The following CDK8 variants were observed in gnomAD, a reference collection of about 807,000 sequenced individuals.
The protein encoded by CDK8 is cyclin dependent kinase 8, also known as cyclin-dependent kinase 8.
Under a neutral mutation model 71.5 loss-of-function variants are expected in CDK8, and 29 were observed. That is an observed-to-expected ratio of 0.41 (90% confidence interval 0.30 to 0.55). The LOEUF (loss-of-function observed/expected upper bound fraction) is 0.55. Among genes scored for constraint, CDK8 ranks in the 20% least tolerant of loss-of-function variants. The pLI is 0.37. For missense variants in CDK8, 288 were observed against 572.6 expected, an observed-to-expected ratio of 0.50 and a Z score of 5.07; for synonymous variants, 161 against 192.1, an observed-to-expected ratio of 0.84 and a Z score of 1.34.
At chr13:26,374,956 A>AT (rs548393291) in intron 4 of CDK8, among the ~76,000 whole-genome samples, 56 of 152,022 alleles carry the variant, frequency 3.7e-4, no homozygotes, top group Admixed American at 7.2e-4. Context: ...TTTTCAAGGC[A>AT]TTTTTTTTAA....
At chr13:26,283,189 A>G (rs950411780) in intron 1 of CDK8, among the ~76,000 whole-genome samples, 2 of 152,256 alleles carry the variant, frequency 1.3e-5, no homozygotes, top group Non-Finnish European at 2.9e-5. Context: ...ATACCATAGA[A>G]CAAATGGACT....
chr13:26,300,808 C>G (rs930138871), intron 1 of CDK8, among the ~76,000 whole-genome samples: 1 of 152,024 alleles, frequency 6.6e-6, no homozygotes, highest in Non-Finnish European at 1.5e-5. Flanking sequence ...TTGATTATCC[C>G]GCTCTAAAAA....
intron 4 of CDK8, among the ~76,000 whole-genome samples, chr13:26,362,669 C>G (rs1874201979): frequency 6.6e-6 from 1 of 152,124 alleles, no homozygotes; most frequent in Non-Finnish European, 1.5e-5. Context: ...CCACTTTAGT[C>G]TACTGTTTCA....
At chr13:26,259,902 C>G (rs1287171985) in intron 1 of CDK8, among the ~76,000 whole-genome samples, 2 of 152,102 alleles carry the variant, frequency 1.3e-5, no homozygotes, top group Non-Finnish European at 2.9e-5. Flanking sequence ...GGGAAACAAA[C>G]ATGTAAATGT....
At chr13:26,301,971 C>A (rs997064125) in intron 1 of CDK8, among the ~76,000 whole-genome samples, 7 of 152,190 alleles carry the variant, frequency 4.6e-5, no homozygotes, top group Admixed American at 1.3e-4. Context: ...ATATTACATT[C>A]TCTATTTCTG....
intron 3 of CDK8, among the ~76,000 whole-genome samples, chr13:26,352,531 TAAG>T (rs757416420): frequency 2.0e-5 from 3 of 152,122 alleles, no homozygotes; most frequent in Non-Finnish European, 2.9e-5. Context: ...ATCTTCTTCT[TAAG>T]GAGAACAGAC....
chr13:26,285,906 TAAAC>T (rs374348162), intron 1 of CDK8, among the ~76,000 whole-genome samples: 91 of 141,270 alleles, frequency 6.4e-4, no homozygotes, highest in African/African-American at 2.2e-3. Flanking sequence ...AATAAATAAA[TAAAC>T]AAACAAACAA....
At chr13:26,287,385 A>T (rs1013455972) in intron 1 of CDK8, among the ~76,000 whole-genome samples, 1 of 152,142 alleles carries the variant, frequency 6.6e-6, no homozygotes, top group Non-Finnish European at 1.5e-5. Flanking sequence ...AATACTGTTC[A>T]CCCATAAAAA....
chr13:26,339,756 A>AAATATATAT (rs1555231154), intron 2 of CDK8, among the ~76,000 whole-genome samples: 6 of 142,998 alleles, frequency 4.2e-5, no homozygotes, highest in African/African-American at 1.3e-4. Flanking sequence ...TTAAAAAAAA[A>AAATATATAT]ATATATATAT....
At chr13:26,369,895 A>C (rs1011170775) in intron 4 of CDK8, among the ~76,000 whole-genome samples, 11 of 151,930 alleles carry the variant, frequency 7.2e-5, no homozygotes, top group African/African-American at 1.2e-4. Flanking sequence ...TTTCTTTAGT[A>C]ATTGTTATGC....
At position 26,287,415 on chromosome 13, in the gene CDK8, C is replaced by T. The variant is rs650176; in HGVS notation, c.128+32646C>T. ...TAAAAAGGAATGAAATAATGGCATT[C>T]GCAGCAACCTGGATGGAGTCGGAGA... On this transcript the variant is annotated intron_variant, in intron 1 of 12. Coordinates refer to ENST00000381527, the MANE Select transcript of CDK8 (RefSeq NM_001260.3). Among the ~76,000 whole-genome samples, 10 of 152,256 alleles carry T rather than the reference C, an allele frequency of 6.6e-5. No homozygotes were observed. The East Asian group carries it at 9.6e-4, about 15-fold the overall frequency.
At chr13:26,307,850 G>A (rs765693232) in intron 1 of CDK8, among the ~76,000 whole-genome samples, 12 of 152,056 alleles carry the variant, frequency 7.9e-5, no homozygotes, top group Non-Finnish European at 1.5e-4. Flanking sequence ...TTAAAAAAAA[G>A]TGTTAGCACT....
intron 1 of CDK8, among the ~76,000 whole-genome samples, chr13:26,301,628 A>G (rs1873828229): frequency 6.6e-6 from 1 of 152,182 alleles, no homozygotes; most frequent in South Asian, 2.1e-4. Flanking sequence ...ATTAGTATCA[A>G]TGTAGATTCT....
intron 6 of CDK8, among the ~76,000 whole-genome samples, chr13:26,386,802 A>G (rs551811980): frequency 1.3e-5 from 2 of 152,172 alleles, no homozygotes; most frequent in Non-Finnish European, 2.9e-5. Flanking sequence ...CAATATTGCT[A>G]ATGAAGTCTC....
At chr13:26,297,321 T>C (rs968925786) in intron 1 of CDK8, among the ~76,000 whole-genome samples, 1 of 42,890 alleles carries the variant, frequency 2.3e-5, no homozygotes, top group African/African-American at 3.8e-5. Flanking sequence ...GTAATATAAC[T>C]AAAAAGGTAA....
chr13:26,347,997 C>T (rs1182410125), intron 2 of CDK8, among the ~76,000 whole-genome samples: 1 of 151,956 alleles, frequency 6.6e-6, no homozygotes, highest in Non-Finnish European at 1.5e-5. Context: ...CTGTTCATAG[C>T]AGCATTAATC....
chr13:26,330,047 G>A (rs1463845349), intron 1 of CDK8, among the ~76,000 whole-genome samples: 1 of 152,028 alleles, frequency 6.6e-6, no homozygotes, highest in South Asian at 2.1e-4. Flanking sequence ...GTCTTTTTGT[G>A]TGTGTGCGTG....
At position 26,254,893 on chromosome 13, in the gene CDK8, G is replaced by A; in HGVS notation, c.128+124G>A. ...TCTGACTTCCTCGACGCCGGCCTCTGGCTCCGCCAGCCAGGTTTGGGGAGG... is the reference window on the plus strand; with the variant it reads ...TCTGACTTCCTCGACGCCGGCCTCTAGCTCCGCCAGCCAGGTTTGGGGAGG... On this transcript the variant is annotated intron_variant, in intron 1 of 12. Transcript: ENST00000381527. This position sits in a 1 kb window ranked among gnomAD's most constrained non-coding sequence, Gnocchi z 6.7. 7.3e-7 allele frequency: 1 copy of A among 1,363,908 alleles called. No homozygotes were observed. The highest frequency in any genetic ancestry group is 1.4e-5 in the African/African-American group (1 of 69,720). The allele number at this position is 1,363,908 out of a possible 1,614,324, so 84.5% of individuals were successfully genotyped here. A position where few individuals can be genotyped will look rare whatever the true frequency, so the allele number is the denominator to read the frequency against.
At chr13:26,344,334 T>C (rs74557497) in intron 2 of CDK8, among the ~76,000 whole-genome samples, 3,404 of 152,296 alleles carry the variant, frequency 0.022, 129 homozygotes, top group African/African-American at 0.078. Flanking sequence ...CTACTGTGAA[T>C]AGTGCTGCAA....
Sources: gnomAD v4.1 joint callset for allele counts (sites outside exome capture counted in the v4.1 genomes callset) on GRCh38, gnomAD v4.1.1 for gene constraint, Gnocchi (gnomAD v3.1) non-coding constraint, MANE v1.5 for transcripts, NCBI Gene and HGNC (gene_info 2026-07-23, HGNC 2026-07-21) for gene names.